RYR3: variants seen among roughly 807,000 people sequenced by gnomAD.
The protein encoded by RYR3 is ryanodine receptor 3.
RYR3 carries 207 observed loss-of-function variants against 584.3 expected under a neutral mutation model. That is an observed-to-expected ratio of 0.35 (90% CI 0.32 to 0.40). RYR3 has a LOEUF of 0.40. Ranked by LOEUF, RYR3 falls within the 10% of genes least tolerant of loss-of-function variation. RYR3 has a pLI of 1.00. For synonymous variants in RYR3, 2,416 were observed against 2,248.5 expected (o/e 1.07, Z -2.11); for missense variants, 5,616 against 6,089.2 (o/e 0.92, Z 2.59).
At chr15:33,703,293 T>A (rs771089134) in intron 42 of RYR3, among the ~76,000 whole-genome samples, 2 of 152,206 alleles carry the variant, frequency 1.3e-5, no homozygotes, top group Non-Finnish European at 2.9e-5. Context: ...TTCCTTGTAG[T>A]CAGAGAGGAT....
At chr15:33,805,590 G>C (rs1448234808) in intron 69 of RYR3, among the ~76,000 whole-genome samples, 3 of 151,246 alleles carry the variant, frequency 2.0e-5, no homozygotes, top group Non-Finnish European at 4.4e-5. Flanking sequence ...CCATTCTCCT[G>C]CCTCAGCCTC....
At chr15:33,371,033 C>G (rs2040296379) in intron 1 of RYR3, among the ~76,000 whole-genome samples, 1 of 152,192 alleles carries the variant, frequency 6.6e-6, no homozygotes, top group Admixed American at 6.5e-5. Flanking sequence ...CATTTGGTGA[C>G]TGAATGAATG....
chr15:33,370,441 A>T (rs1001815565), intron 1 of RYR3, among the ~76,000 whole-genome samples: 1 of 152,208 alleles, frequency 6.6e-6, no homozygotes, highest in Non-Finnish European at 1.5e-5. Context: ...CTACAGCCAG[A>T]TGTGCTAAGA....
intron 57 of RYR3, 84 bp downstream of exon 57, chr15:33,750,370 G>GT: frequency 7.3e-7 from 1 of 1,376,636 alleles, no homozygotes; most frequent in South Asian, 1.3e-5. Context: ...ACCCATCCAA[G>GT]TAAGGAGAAC....
At chr15:33,862,208 A>G (rs754822917) in intron 102 of RYR3, among the ~76,000 whole-genome samples, 1 of 151,666 alleles carries the variant, frequency 6.6e-6, no homozygotes, top group Non-Finnish European at 1.5e-5. Context: ...TTTGTAGCTT[A>G]GAGAGTCCTC....
chr15:33,846,371 G>A (rs1404774928), intron 93 of RYR3, among the ~76,000 whole-genome samples: 4 of 152,210 alleles, frequency 2.6e-5, no homozygotes, highest in African/African-American at 9.6e-5. Flanking sequence ...TCCAGGAGGC[G>A]TGGTTCCTTG....
In RYR3 at chr15:33,663,716, C is replaced by G. The variant is rs2063303340; in HGVS notation, c.5598C>G (p.Phe1866Leu). 6.2e-7 allele frequency: 1 copy of G among 1,608,052 alleles called. No homozygotes were observed. The highest frequency in any genetic ancestry group is 8.5e-7 in the Non-Finnish European group (1 of 1,177,888). ...TGACTGCCCGGAAGACCAAGGAGTT[C>G]CGCTCACCCCCACAGGAGCAGGTGA... is the stretch of plus-strand genomic sequence containing the variant. ...AALTARKTKE[F>L]RSPPQEQINM... Residue 1866 changes from phenylalanine to leucine, a missense_variant, in exon 36 of 104, where the codon TTC (phenylalanine) becomes TTG (leucine). Transcript: ENST00000634891.
intron 40 of RYR3, among the ~76,000 whole-genome samples, 160 bp from the exon 41 acceptor site, chr15:33,699,544 A>G (rs970777635): frequency 4.6e-5 from 7 of 152,152 alleles, no homozygotes; most frequent in African/African-American, 1.7e-4. Flanking sequence ...TATTTCAGGA[A>G]CTATAACTCC....
At chr15:33,356,982 C>T (rs767703809) in intron 1 of RYR3, among the ~76,000 whole-genome samples, 3 of 152,122 alleles carry the variant, frequency 2.0e-5, no homozygotes, top group Non-Finnish European at 2.9e-5. Context: ...GCTGGTGACT[C>T]ATGCTCTGTT....
rs547897641 is a variant in RYR3, at chr15:33,631,315, G to C, written c.2867+22G>C. 3 of 1,464,294 alleles carry C rather than the reference G, an allele frequency of 2.0e-6. No homozygotes were observed. In the South Asian group the frequency reaches 3.7e-5, roughly 18 times the overall value. The allele number at this position is 1,464,294 out of a possible 1,614,324, so 90.7% of individuals were successfully genotyped here. A position where few individuals can be genotyped will look rare whatever the true frequency, so the allele number is the denominator to read the frequency against. ...AAAAGTAGGTGATTTTTTTTTTAAT[G>C]GTTCAAGACTTTAATGCTTCAGCCT... On this transcript the variant is annotated intron_variant, in intron 23 of 103. Transcript: ENST00000634891.
In RYR3 at chr15:33,769,196, A is replaced by G. The variant is rs770165405; in HGVS notation, c.8816+24A>G. ...AGGTAAGTCTGCCCAGTTTTTCCCA[A>G]TAGTTTCTCATGACTTCCTCTCTGA... On this transcript the variant is annotated intron_variant, in intron 62 of 103. Coordinates refer to ENST00000634891, the MANE Select transcript of RYR3 (RefSeq NM_001036.6). 36 of 1,549,960 alleles carry G rather than the reference A, an allele frequency of 2.3e-5. 1 individual carries two copies. Among genetic ancestry groups the G allele is most frequent in the Non-Finnish European group, 3.1e-5 (35 of 1,122,406 alleles).
intron 67 of RYR3, among the ~76,000 whole-genome samples, chr15:33,794,685 C>T (rs1484095362): frequency 6.6e-6 from 1 of 152,150 alleles, no homozygotes; most frequent in Non-Finnish European, 1.5e-5. Context: ...TTCATCCCCA[C>T]TTTTCAATCT....
chr15:33,517,542 C>T (rs1021512899), intron 3 of RYR3, among the ~76,000 whole-genome samples: 5 of 152,158 alleles, frequency 3.3e-5, no homozygotes, highest in African/African-American at 1.2e-4. Flanking sequence ...AAAATACAGT[C>T]GTCGTTTTCT....
chr15:33,746,719 A>C (rs2070750450), intron 53 of RYR3, among the ~76,000 whole-genome samples: 1 of 151,794 alleles, frequency 6.6e-6, no homozygotes, highest in South Asian at 2.1e-4. Context: ...ACGCCACTGC[A>C]CTCCAGCCTG....
chr15:33,720,352 A>G (rs79273623), intron 43 of RYR3, among the ~76,000 whole-genome samples: 1 of 152,204 alleles, frequency 6.6e-6, no homozygotes, highest in Non-Finnish European at 1.5e-5. Flanking sequence ...AATTACAGGC[A>G]TTCGGACAGC....
chr15:33,479,138 G>A (rs1467358800), intron 2 of RYR3, among the ~76,000 whole-genome samples: 1 of 152,092 alleles, frequency 6.6e-6, no homozygotes, highest in East Asian at 1.9e-4. Flanking sequence ...AGTTATGTAG[G>A]CTCTGAAGAC....
At position 33,838,030 on chromosome 15, in the gene RYR3, C is replaced by A. The variant is rs1436216952; in HGVS notation, c.12050C>A (p.Pro4017Gln). The A allele has an allele frequency of 6.2e-7, 1 of 1,613,972 alleles. No individual in the cohort carries two copies. The highest frequency in any genetic ancestry group is 1.1e-5 in the South Asian group (1 of 91,074). Residue 4017 changes from proline to glutamine, a missense_variant, in exon 89 of 104, where the codon CCA (proline) becomes CAA (glutamine). Pro to Gln is a moderately conservative substitution (Grantham distance 76). This residue lies in a region of RYR3 where 258 missense variants were observed against 297.3 expected (regional missense o/e 0.87). Transcript: ENST00000634891. ...NDSRLKCLLD[P>Q]AESVLNYFEP... ...TCCCGCCTGAAGTGTCTGTTGGACC[C>A]AGCAGAAAGTGTGCTAAATTACTTC...
chr15:33,652,972 CCACAGTGT>C (rs1183155455), intron 32 of RYR3, 89 bp downstream of exon 32: 1 of 1,355,478 alleles, frequency 7.4e-7, no homozygotes, highest in African/African-American at 1.5e-5. Context: ...AGCATTCCTG[CCACAGTGT>C]GTCAAGCTGA....
chr15:33,829,454 A>T (rs192971027), intron 85 of RYR3, among the ~76,000 whole-genome samples: 215 of 152,318 alleles, frequency 1.4e-3, no homozygotes, highest in Non-Finnish European at 2.1e-3. Context: ...AGATGTCATT[A>T]AAAAACATTG....
Sources: gnomAD v4.1 joint callset for allele counts (sites outside exome capture counted in the v4.1 genomes callset) on GRCh38, gnomAD v4.1.1 for gene constraint, gnomAD v4.1.1 regional missense constraint, MANE v1.5 for transcripts, NCBI Gene and HGNC (gene_info 2026-07-23, HGNC 2026-07-21) for gene names.